The following TMEM138 variants were observed in gnomAD, a reference collection of about 807,000 sequenced individuals.
TMEM138 encodes transmembrane protein 138.
TMEM138 carries 9 observed loss-of-function variants against 18.1 expected under a neutral mutation model. The ratio of observed to expected loss-of-function variants is 0.50; its 90% CI spans 0.30 to 0.87. The LOEUF (loss-of-function observed/expected upper bound fraction) is 0.87. Ranked by LOEUF, TMEM138 falls within the 40% of genes least tolerant of loss-of-function variation. TMEM138 has a pLI of 0.06. For missense variants in TMEM138, 189 were observed against 190.6 expected (o/e 0.99, Z 0.05); for synonymous variants, 79 against 74.8 (o/e 1.06, Z -0.29).
At chr11:61,376,077 G>A (rs142199962), downstream of TMEM138, among the ~76,000 whole-genome samples, 1,282 of 152,188 alleles carry the variant, frequency 8.4e-3, 10 homozygotes, top group Non-Finnish European at 0.014. Context: ...GGCCAGATGC[G>A]GTAGCTCATG....
chr11:61,373,121 C>T (rs908111294), downstream of TMEM138, among the ~76,000 whole-genome samples: 1 of 152,176 alleles, frequency 6.6e-6, no homozygotes, highest in Non-Finnish European at 1.5e-5. Flanking sequence ...GCCCCATCTT[C>T]ACGCCCGGTA....
At position 61,364,511 on chromosome 11, in the gene TMEM138, C is replaced by A; in HGVS notation, c.121C>A (p.Leu41Ile). The A allele has an allele frequency of 6.2e-7, 1 of 1,614,136 alleles. No individual in the cohort carries two copies. Among genetic ancestry groups the A allele is most frequent in the Non-Finnish European group, 8.5e-7 (1 of 1,180,018 alleles). The change falls in exon 2 of 5, where the codon CTC (leucine) becomes ATC (isoleucine). Residue 41 changes from leucine (L) to isoleucine (I), a missense_variant. By Grantham distance (5) the Leu-to-Ile change is conservative (BLOSUM62 2). Coordinates refer to ENST00000278826, the MANE Select transcript of TMEM138 (RefSeq NM_016464.5). ...LQKTPVIQLV[L>I]FIIQDIAVLF... ...AAAGACTCCTGTCATCCAGCTTGTG[C>A]TCTTCATGTGCGTGCAGTAAGGCAC...
chr11:61,368,550 A>G (rs758629930), intron 4 of TMEM138, 47 bp from the exon 5 acceptor site: 3 of 1,355,788 alleles, frequency 2.2e-6, no homozygotes, highest in South Asian at 2.3e-5. Context: ...ACCTGAAATG[A>G]TACTCAGGAG....
At position 61,364,400 on chromosome 11, in the gene TMEM138, ACCAGTAACTACAGC is replaced by A. The variant is rs1858060639; in HGVS notation, c.12_25del (p.Ser5GlyfsTer12). 2 of 1,613,992 alleles carry A rather than the reference ACCAGTAACTACAGC, an allele frequency of 1.2e-6. No homozygotes were observed. Among genetic ancestry groups the A allele is most frequent in the Non-Finnish European group, 1.7e-6 (2 of 1,179,978 alleles). On this transcript the variant is annotated frameshift_variant, in exon 2 of 5. Coordinates refer to ENST00000278826, the MANE Select transcript of TMEM138 (RefSeq NM_016464.5). LOFTEE classifies it high-confidence loss of function. ...AGAAAACAGAAGGAAGATGCTCCAG[ACCAGTAACTACAGC>A]CTGGTGCTCTCTCTGCAGTTCCTGC...
downstream of TMEM138, among the ~76,000 whole-genome samples, chr11:61,376,539 T>G (rs1157292939): frequency 6.6e-6 from 1 of 152,204 alleles, no homozygotes; most frequent in Non-Finnish European, 1.5e-5. Context: ...TTTTTCCATT[T>G]TTTTCCAATT....
rs1565076745 is a variant in TMEM138, at chr11:61,364,365, T to C, written c.-26T>C. ...TTCTGGGAACTGTGGGATGTGCCCT[T>C]GGGGGCCCGAGAAAACAGAAGGAAG... is the stretch of plus-strand genomic sequence containing the variant. On this transcript the variant is annotated 5_prime_UTR_variant, in exon 2 of 5. Coordinates refer to ENST00000278826, the MANE Select transcript of TMEM138 (RefSeq NM_016464.5). 1 of 1,612,940 alleles carries C rather than the reference T, an allele frequency of 6.2e-7. No homozygotes were observed. The highest frequency in any genetic ancestry group is 1.1e-5 in the South Asian group (1 of 90,976).
chr11:61,373,842 AT>A (rs1203346883), downstream of TMEM138, among the ~76,000 whole-genome samples: 56 of 150,060 alleles, frequency 3.7e-4, no homozygotes, highest in African/African-American at 1.3e-3. Flanking sequence ...TTTATTTTTT[AT>A]TTTTTTTTTT....
downstream of TMEM138, among the ~76,000 whole-genome samples, chr11:61,372,945 G>A (rs1339911946): frequency 6.6e-6 from 1 of 151,354 alleles, no homozygotes; most frequent in African/African-American, 2.4e-5. Context: ...GTTTGCCTAG[G>A]AAAAAAACAG....
rs766877364 is a variant in TMEM138, at chr11:61,364,361, C to G, written c.-30C>G. 4.3e-6 allele frequency: 7 copies of G among 1,612,190 alleles called. No homozygotes were observed. The Admixed American group carries it at 1.0e-4, about 23-fold the overall frequency. The stretch of plus-strand genomic sequence containing the variant: ...GGTTTTCTGGGAACTGTGGGATGTG[C>G]CCTTGGGGGCCCGAGAAAACAGAAG... On this transcript the variant is annotated 5_prime_UTR_variant, in exon 2 of 5. Transcript: ENST00000278826.
chr11:61,370,190 G>T (rs73492378), downstream of TMEM138, among the ~76,000 whole-genome samples: 1 of 152,168 alleles, frequency 6.6e-6, no homozygotes, highest in Non-Finnish European at 1.5e-5. Context: ...GACAAAGCAC[G>T]TGAGGGTAGG....
chr11:61,372,556 G>C (rs1858371386), downstream of TMEM138, among the ~76,000 whole-genome samples: 1 of 152,034 alleles, frequency 6.6e-6, no homozygotes, highest in Non-Finnish European at 1.5e-5. Context: ...GCGAAGGCGG[G>C]GGGATCGTGA....
intron 4 of TMEM138, 49 bp downstream of exon 4, chr11:61,368,047 C>T: frequency 7.6e-7 from 1 of 1,310,664 alleles, no homozygotes; most frequent in Non-Finnish European, 1.1e-6. Context: ...ACATGTGTCT[C>T]TTTCAGTGAG....
intron 4 of TMEM138, 181 bp downstream of exon 4, chr11:61,368,179 C>T: frequency 1.4e-6 from 1 of 714,752 alleles, no homozygotes; most frequent in Non-Finnish European, 2.6e-6. Context: ...AATGAGGAGG[C>T]AGGGCTGCCC....
At chr11:61,365,094 A>G (rs1463722719) in intron 2 of TMEM138, among the ~76,000 whole-genome samples, 9 of 146,952 alleles carry the variant, frequency 6.1e-5, no homozygotes, top group African/African-American at 2.0e-4. Flanking sequence ...AGGCTGAGGC[A>G]GGAGAATCAC....
At chr11:61,369,795 A>G (rs1858288108), downstream of TMEM138, among the ~76,000 whole-genome samples, 1 of 152,100 alleles carries the variant, frequency 6.6e-6, no homozygotes, top group Admixed American at 6.5e-5. Flanking sequence ...TAGTTTGCAG[A>G]TTTACTTCCC....
At position 61,368,928 on chromosome 11, in the gene TMEM138, T is replaced by C. The variant is rs1429416257; in HGVS notation, c.*219T>C. On this transcript the variant is annotated 3_prime_UTR_variant, in exon 5 of 5. Transcript: ENST00000278826. ...GCATCCCTTCCTTGCCTTCTACCTCTGTTCCACCCCCTTTCCTTCCTTTCC... is the reference window on the plus strand; with the variant it reads ...GCATCCCTTCCTTGCCTTCTACCTCCGTTCCACCCCCTTTCCTTCCTTTCC... 1.8e-6 allele frequency: 1 copy of C among 556,088 alleles called. No homozygotes were observed. Among genetic ancestry groups the C allele is most frequent in the Non-Finnish European group, 3.2e-6 (1 of 308,126 alleles). 34.4% of individuals were successfully genotyped at this position (556,088 alleles called of 1,614,324 possible). A position where few individuals can be genotyped will look rare whatever the true frequency, so the allele number is the denominator to read the frequency against.
downstream of TMEM138, among the ~76,000 whole-genome samples, chr11:61,369,831 C>T (rs553070089): frequency 3.9e-5 from 6 of 152,310 alleles, no homozygotes; most frequent in East Asian, 1.9e-4. Context: ...TCTGCTCACA[C>T]GCCAGTGGCA....
Position 61,364,379 on chromosome 11 carries a change from A to G in TMEM138, c.-12A>G. The G allele has an allele frequency of 6.2e-7, 1 of 1,613,768 alleles. No individual in the cohort carries two copies. The highest frequency in any genetic ancestry group is 8.5e-7 in the Non-Finnish European group (1 of 1,179,770). On this transcript the variant is annotated 5_prime_UTR_variant, in exon 2 of 5. Transcript: ENST00000278826. Reference sequence around the variant, plus strand: ...GGATGTGCCCTTGGGGGCCCGAGAAAACAGAAGGAAGATGCTCCAGACCAG... The same window carrying G: ...GGATGTGCCCTTGGGGGCCCGAGAAGACAGAAGGAAGATGCTCCAGACCAG...
downstream of TMEM138, among the ~76,000 whole-genome samples, chr11:61,376,517 T>G (rs1302063874): frequency 2.6e-5 from 4 of 152,302 alleles, no homozygotes; most frequent in Non-Finnish European, 5.9e-5. Flanking sequence ...AATGTTTTCA[T>G]TTTTTTCTTC....
Sources: gnomAD v4.1 joint callset for allele counts (sites outside exome capture counted in the v4.1 genomes callset) on GRCh38, gnomAD v4.1.1 for gene constraint, MANE v1.5 for transcripts, NCBI Gene and HGNC (gene_info 2026-07-23, HGNC 2026-07-21) for gene names.